MOV10L1: variants seen among roughly 807,000 people sequenced by gnomAD.
MOV10L1 encodes RNA helicase Mov10l1.
A neutral mutation model predicts 143.8 loss-of-function variants in MOV10L1; 110 were observed. The observed-to-expected ratio is 0.76, with a 90% CI of 0.66 to 0.90. MOV10L1 has a LOEUF of 0.90. Among genes scored for constraint, MOV10L1 ranks in the 40% least tolerant of loss-of-function variants. MOV10L1 has a pLI of 0.00. For synonymous variants in MOV10L1, 593 were observed against 581.1 expected (o/e 1.02, Z -0.29); for missense variants, 1,406 against 1,526.8 (o/e 0.92, Z 1.32).
intron 3 of MOV10L1, among the ~76,000 whole-genome samples, chr22:50,101,301 C>T (rs190062549): frequency 6.6e-6 from 1 of 152,290 alleles, no homozygotes; most frequent in Admixed American, 6.5e-5. Context: ...CTTCAAGCTC[C>T]GCCTTCCAGG....
At chr22:50,102,365 A>G (rs529477711) in intron 3 of MOV10L1, among the ~76,000 whole-genome samples, 131 of 152,358 alleles carry the variant, frequency 8.6e-4, no homozygotes, top group African/African-American at 3.1e-3. Flanking sequence ...GAAAGCAGAC[A>G]TAGCTGTACA....
rs1411251597 is a variant in MOV10L1 at position 50,158,060 on chromosome 22, A to G, written c.3070A>G (p.Ser1024Gly). 2 of 1,613,308 alleles carry G rather than the reference A, an allele frequency of 1.2e-6. No homozygotes were observed. Among genetic ancestry groups the G allele is most frequent in the Admixed American group, 3.3e-5 (2 of 59,952 alleles). Residue 1024 changes from serine (S) to glycine (G), a missense_variant, in exon 23 of 27, where the codon AGC (serine) becomes GGC (glycine). By Grantham distance (56) the Ser-to-Gly change is moderately conservative. This residue lies in a region of MOV10L1 where 1,233 missense variants were observed against 1,351.4 expected (regional missense o/e 0.91). Coordinates refer to ENST00000262794, the MANE Select transcript of MOV10L1 (RefSeq NM_018995.3). The surrounding 1 kb of genome is among the most constrained non-coding windows in gnomAD (Gnocchi z 5.0). ...TTTTCTCTCCTCATCAACCCAGGGC[A>G]GCGAGGCACGGGAGGGAAAAAGCCC... ...FPLIFHGVRG[S>G]EAREGKSPSW...
chr22:50,095,332 A>G (rs2062561824), intron 2 of MOV10L1: 1 of 152,186 alleles, frequency 6.6e-6, no homozygotes, highest in African/African-American at 2.4e-5. Context: ...GTATTTATGG[A>G]CTTCCATCAT....
At position 50,120,567 on chromosome 22, in the gene MOV10L1, G is replaced by A; in HGVS notation, c.1520G>A (p.Cys507Tyr). Residue 507 changes from cysteine (C) to tyrosine (Y), a missense_variant, in exon 10 of 27, where the codon TGT becomes TAT. Cys to Tyr is a radical substitution (Grantham distance 194). This residue lies in a region of MOV10L1 where 1,233 missense variants were observed against 1,351.4 expected (regional missense o/e 0.91). Transcript: ENST00000262794. ...CCAATCCCAGATAGACTTAGAAAAT[G>A]TGTGGAACAAAAAATTGACATCCTG... ...QYPIPDRLRK[C>Y]VEQKIDILTF... 1.2e-6 allele frequency: 2 copies of A among 1,613,828 alleles called. No homozygotes were observed. Among genetic ancestry groups the A allele is most frequent in the Non-Finnish European group, 1.7e-6 (2 of 1,179,848 alleles).
Position 50,090,111 on chromosome 22 carries a change from T to C in MOV10L1, c.23T>C (p.Leu8Pro). 1 of 1,366,506 alleles carries C rather than the reference T, an allele frequency of 7.3e-7. No homozygotes were observed. The highest frequency in any genetic ancestry group is 1.9e-5 in the South Asian group (1 of 53,378). 84.6% of individuals were successfully genotyped at this position (1,366,506 alleles called of 1,614,324 possible). A position where few individuals can be genotyped will look rare whatever the true frequency, so the allele number is the denominator to read the frequency against. Residue 8 changes from leucine (L) to proline (P), a missense_variant, in exon 1 of 27, where the codon CTG (leucine) becomes CCG (proline). This residue lies in a region of MOV10L1 where 166 missense variants were observed against 153.9 expected (regional missense o/e 1.08). Transcript: ENST00000262794. MLSLAAK[L>P]VAFFWRTADT... ...GCCATGCTGAGCCTCGCAGCCAAGC[T>C]GGTGGCCTTCTTCTGGAGGACGGCG... is the stretch of plus-strand genomic sequence containing the variant.
intron 2 of MOV10L1, chr22:50,093,675 A>C (rs1277307053): frequency 6.6e-6 from 1 of 152,116 alleles, no homozygotes; most frequent in East Asian, 1.9e-4. Context: ...TACCTGACTA[A>C]TTTTTAAAAT....
At position 50,114,371 on chromosome 22, in the gene MOV10L1, A is replaced by G. The variant is rs968949757; in HGVS notation, c.885-10A>G. 6.2e-7 allele frequency: 1 copy of G among 1,611,304 alleles called. No homozygotes were observed. The highest frequency in any genetic ancestry group is 8.5e-7 in the Non-Finnish European group (1 of 1,178,204). Reference sequence around the variant, plus strand: ...CCTGGCTGTGTTCATAGTTAATTGTATTTTTCCAGGAATAAAGGAGACATT... The same window carrying G: ...CCTGGCTGTGTTCATAGTTAATTGTGTTTTTCCAGGAATAAAGGAGACATT... On this transcript the variant is annotated splice_polypyrimidine_tract_variant and intron_variant, in intron 6 of 26. Transcript: ENST00000262794.
intron 13 of MOV10L1, among the ~76,000 whole-genome samples, chr22:50,133,345 G>A (rs994647206): frequency 6.6e-6 from 1 of 151,644 alleles, no homozygotes; most frequent in Non-Finnish European, 1.5e-5. Flanking sequence ...TGTAATCCCA[G>A]CACTTTGAGA....
intron 2 of MOV10L1, chr22:50,093,810 C>G (rs2147000914): frequency 6.6e-6 from 1 of 152,304 alleles, no homozygotes; most frequent in East Asian, 1.9e-4. Flanking sequence ...CATGCCTGGC[C>G]TGTTTGTTGA....
chr22:50,116,539 A>G (rs1025526292), intron 8 of MOV10L1, among the ~76,000 whole-genome samples: 1 of 152,014 alleles, frequency 6.6e-6, no homozygotes, highest in African/African-American at 2.4e-5. Flanking sequence ...CAGAAAGCAC[A>G]TTAGATATAG....
At chr22:50,161,181 G>A (rs950266207) in intron 26 of MOV10L1, 126 bp downstream of exon 26, 37 of 1,108,880 alleles carry the variant, frequency 3.3e-5, no homozygotes, top group African/African-American at 2.2e-4. Context: ...GCCGGCCACC[G>A]TCCTCACCTC....
chr22:50,113,980 G>A (rs969033524), intron 6 of MOV10L1, among the ~76,000 whole-genome samples, 192 bp downstream of exon 6: 5 of 144,880 alleles, frequency 3.5e-5, no homozygotes, highest in Admixed American at 2.9e-4. Context: ...GTGCAGTGGC[G>A]CGATCTCAGC....
intron 13 of MOV10L1, among the ~76,000 whole-genome samples, chr22:50,130,507 G>C (rs1440164045): frequency 6.6e-6 from 1 of 152,202 alleles, no homozygotes; most frequent in African/African-American, 2.4e-5. Flanking sequence ...ATTTGCCGAT[G>C]AAAGCAGGGA....
chr22:50,090,821 C>T (rs997338490), intron 1 of MOV10L1: 2 of 313,102 alleles, frequency 6.4e-6, no homozygotes, highest in Admixed American at 9.2e-5. Context: ...GGATTATAGG[C>T]ACCCGCCACC....
Position 50,159,771 on chromosome 22 carries a change from A to T in MOV10L1, c.3310A>T (p.Ile1104Phe), listed in dbSNP as rs1399652800. 6.2e-7 allele frequency: 1 copy of T among 1,610,206 alleles called. No homozygotes were observed. Among genetic ancestry groups the T allele is most frequent in the Non-Finnish European group, 8.5e-7 (1 of 1,176,852 alleles). Residue 1104 changes from isoleucine to phenylalanine, a missense_variant, in exon 24 of 27, where the codon ATC becomes TTC. Physicochemically the swap from Ile to Phe is conservative, Grantham distance 21. Transcript: ENST00000262794. This position sits in a 1 kb window ranked among gnomAD's most constrained non-coding sequence, Gnocchi z 4.1. Reference sequence around the variant, plus strand: ...GTTTCAAGGACAAGAGTATCTGGTCATCATCATTTCGACCGTAGGTATCCC... The same window carrying T: ...GTTTCAAGGACAAGAGTATCTGGTCTTCATCATTTCGACCGTAGGTATCCC... Reference protein sequence around the residue: ...EEFQGQEYLVIIISTVRSNED... With the variant: ...EEFQGQEYLVFIISTVRSNED...
chr22:50,135,632 T>C (rs2062803689), intron 15 of MOV10L1, among the ~76,000 whole-genome samples: 1 of 150,552 alleles, frequency 6.6e-6, no homozygotes. Context: ...ACACCTGTAA[T>C]CCCAGCTACT....
chr22:50,141,314 G>A (rs2062978810), intron 15 of MOV10L1, among the ~76,000 whole-genome samples: 2 of 151,546 alleles, frequency 1.3e-5, no homozygotes, highest in Admixed American at 1.3e-4. Context: ...GGGATTATAG[G>A]CGTGAGCCAC....
chr22:50,144,668 G>C (rs1004428558), intron 18 of MOV10L1, among the ~76,000 whole-genome samples: 1 of 151,232 alleles, frequency 6.6e-6, no homozygotes, highest in South Asian at 2.1e-4. Flanking sequence ...TGCAAGCTCC[G>C]CCTCCCAGGT....
Position 50,120,592 on chromosome 22 carries a change from G to A in MOV10L1, c.1545G>A (p.Leu515=), listed in dbSNP as rs187163713. 661 of 1,612,328 alleles carry A rather than the reference G, an allele frequency of 4.1e-4. 8 individuals carry two copies. In the East Asian group the frequency reaches 0.012, roughly 30 times the overall value. The change falls in exon 10 of 27, where the codon CTG becomes CTA. Residue 515 remains leucine, a synonymous_variant. Transcript: ENST00000262794. ...RKCVEQKIDI[L]TFQPLLAELL... ...GTGTGGAACAAAAAATTGACATCCT[G>A]ACTTTCCAGCCATTACTTGCAGAGG...
Sources: allele counts gnomAD v4.1 joint callset (sites outside exome capture counted in the v4.1 genomes callset), GRCh38; gene constraint gnomAD v4.1.1; regional missense constraint gnomAD v4.1.1; non-coding constraint Gnocchi (gnomAD v3.1); transcripts MANE v1.5; gene names NCBI Gene and HGNC (gene_info 2026-07-23, HGNC 2026-07-21).